Variants in TACC2 observed in about 807,000 individuals in gnomAD.
TACC2 encodes transforming acidic coiled-coil containing protein 2.
A neutral mutation model predicts 227.3 loss-of-function variants in TACC2; 137 were observed. That is an observed-to-expected ratio of 0.60 (90% confidence interval 0.52 to 0.69). TACC2 has a LOEUF of 0.69. Among genes scored for constraint, TACC2 ranks in the 30% least tolerant of loss-of-function variants. The probability of loss-of-function intolerance (pLI) is 0.00; values close to 1 mark genes in which losing one functional copy is unlikely to be tolerated. For missense variants in TACC2, 3,470 were observed against 3,694.4 expected (o/e 0.94, Z 1.57); for synonymous variants, 1,523 against 1,487.5 (o/e 1.02, Z -0.55).
chr10:122,037,798 G>A (rs992433494), intron 2 of TACC2, among the ~76,000 whole-genome samples: 4 of 152,244 alleles, frequency 2.6e-5, no homozygotes, highest in African/African-American at 9.6e-5. Context: ...TCAAGGGGCA[G>A]AGCCCCTTAG....
intron 1 of TACC2, among the ~76,000 whole-genome samples, chr10:121,998,554 C>T (rs552178603): frequency 2.7e-4 from 41 of 152,184 alleles, no homozygotes; most frequent in African/African-American, 9.6e-4. Flanking sequence ...ACCTTGCCAA[C>T]GTTTCGTAAG....
intron 8 of TACC2, among the ~76,000 whole-genome samples, chr10:122,207,313 A>T (rs1316038589): frequency 2.0e-5 from 3 of 151,396 alleles, no homozygotes; most frequent in Non-Finnish European, 4.4e-5. Flanking sequence ...AAAAAAATGC[A>T]GTAGGCGAGC....
chr10:122,006,878 TGAGATGGA>T (rs1955228849), intron 1 of TACC2, among the ~76,000 whole-genome samples: 1 of 89,274 alleles, frequency 1.1e-5, no homozygotes, highest in Admixed American at 1.2e-4. Context: ...TTTTTTTTTT[TGAGATGGA>T]ATTTTGCCCT....
intron 2 of TACC2, among the ~76,000 whole-genome samples, chr10:122,036,428 C>T (rs551332453): frequency 2.0e-5 from 3 of 151,288 alleles, no homozygotes; most frequent in South Asian, 2.1e-4. Context: ...CTCCTGACCT[C>T]GTGATCCGCC....
At position 122,087,731 on chromosome 10, in the gene TACC2, G is replaced by A. The variant is rs760302647; in HGVS notation, c.5231G>A (p.Gly1744Glu). ...SVVAGDLVLP[G>E]SCQDPACSDK... ...GTGGCAGGTGACTTGGTGCTGCCAGGAAGCTGTCAGGACCCAGCCTGCTCT... is the reference window on the plus strand; with the variant it reads ...GTGGCAGGTGACTTGGTGCTGCCAGAAAGCTGTCAGGACCCAGCCTGCTCT... The change falls in exon 4 of 23, where the codon GGA becomes GAA. Residue 1744 changes from glycine (G) to glutamate (E), a missense_variant. Transcript: ENST00000369005. 5.0e-6 allele frequency: 8 copies of A among 1,612,020 alleles called. No homozygotes were observed. In the South Asian group the frequency reaches 6.6e-5, roughly 13 times the overall value.
chr10:122,103,690 C>T (rs2082423672), intron 5 of TACC2, among the ~76,000 whole-genome samples: 2 of 152,174 alleles, frequency 1.3e-5, no homozygotes, highest in African/African-American at 4.8e-5. Context: ...GAGTGAATCC[C>T]TGAGATACTG....
chr10:122,217,058 T>G (rs1464388631), intron 11 of TACC2: 4 of 811,646 alleles, frequency 4.9e-6, no homozygotes, highest in Non-Finnish European at 7.4e-6. Context: ...GCCAGCACGG[T>G]GCCCTCTAAC....
At chr10:122,001,525 G>A (rs1160215487) in intron 1 of TACC2, among the ~76,000 whole-genome samples, 1 of 152,144 alleles carries the variant, frequency 6.6e-6, no homozygotes, top group Non-Finnish European at 1.5e-5. Context: ...TGAGATTTGG[G>A]TGGCAACAAA....
At chr10:122,223,985 C>T (rs931122338) in intron 11 of TACC2, among the ~76,000 whole-genome samples, 3 of 152,160 alleles carry the variant, frequency 2.0e-5, no homozygotes, top group East Asian at 1.9e-4. Flanking sequence ...GTGCTTCATC[C>T]GTTTGCTGGA....
chr10:122,031,627 T>A (rs745526756), intron 2 of TACC2, among the ~76,000 whole-genome samples: 1 of 151,954 alleles, frequency 6.6e-6, no homozygotes, highest in Non-Finnish European at 1.5e-5. Flanking sequence ...TTGGTCTCGA[T>A]CTCCTGACCT....
chr10:122,238,446 T>A (rs1048337154), intron 18 of TACC2, among the ~76,000 whole-genome samples: 12 of 152,194 alleles, frequency 7.9e-5, no homozygotes, highest in Non-Finnish European at 7.3e-5. Context: ...CTCTTTTTAA[T>A]TAATTAATTT....
intron 5 of TACC2, among the ~76,000 whole-genome samples, chr10:122,132,041 A>AAAGGAAGGAAGGAAGGAAGG (rs1565389662): frequency 1.4e-3 from 2 of 1,472 alleles, no homozygotes; most frequent in African/African-American, 1.7e-3. Context: ...AAAAAGAAAG[A>AAAGGAAGGAAGGAAGGAAGG]AAGAAAGAAA....
At chr10:121,998,205 G>A (rs781067514) in intron 1 of TACC2, among the ~76,000 whole-genome samples, 8 of 151,734 alleles carry the variant, frequency 5.3e-5, no homozygotes, top group Non-Finnish European at 1.2e-4. Context: ...CCAGCTACTC[G>A]GGAGGCTGAG....
chr10:122,211,783 G>A, intron 9 of TACC2, 75 bp downstream of exon 9: 1 of 1,360,408 alleles, frequency 7.4e-7, no homozygotes, highest in Non-Finnish European at 9.9e-7. Flanking sequence ...TCATGTGCCT[G>A]GATAACCTTC....
intron 17 of TACC2, 71 bp downstream of exon 17, chr10:122,237,609 C>A: frequency 6.5e-7 from 1 of 1,543,692 alleles, no homozygotes; most frequent in Admixed American, 1.9e-5. Context: ...GTCCACAAAG[C>A]CAGAGTCTTT....
In TACC2 at chr10:122,083,914, G is replaced by A. The variant is rs1481309988; in HGVS notation, c.1414G>A (p.Val472Met). 1 of 1,614,122 alleles carries A rather than the reference G, an allele frequency of 6.2e-7. No homozygotes were observed. Among genetic ancestry groups the A allele is most frequent in the South Asian group, 1.1e-5 (1 of 91,074 alleles). Residue 472 changes from valine to methionine, a missense_variant, in exon 4 of 23, where the codon GTG (valine) becomes ATG (methionine). Val to Met is a conservative substitution (Grantham distance 21). This residue lies in a region of TACC2 where 1,924 missense variants were observed against 1,978.3 expected (regional missense o/e 0.97). Coordinates refer to ENST00000369005, the MANE Select transcript of TACC2 (RefSeq NM_206862.4). ...AGGGTTGGTGGGACTGGAGAGGCAG[G>A]TGTCAGATCTTGGAAGCAAGGGAGA... Reference protein sequence around the residue: ...DAGLVGLERQVSDLGSKGEHP... With the variant: ...DAGLVGLERQMSDLGSKGEHP...
At chr10:122,126,179 C>T (rs1378685095) in intron 5 of TACC2, among the ~76,000 whole-genome samples, 1 of 152,198 alleles carries the variant, frequency 6.6e-6, no homozygotes, top group Non-Finnish European at 1.5e-5. Context: ...TGGCAGTTTT[C>T]TGTCCTACAT....
At chr10:122,204,516 A>C (rs116630939) in intron 8 of TACC2, among the ~76,000 whole-genome samples, 1 of 152,152 alleles carries the variant, frequency 6.6e-6, no homozygotes, top group East Asian at 1.9e-4. Context: ...ACACCAGAGA[A>C]GTGACAGTCA....
Position 122,230,398 on chromosome 10 carries a change from C to T in TACC2, c.8085C>T (p.Ala2695=). 6 of 1,614,198 alleles carry T rather than the reference C, an allele frequency of 3.7e-6. No individual in the cohort carries two copies. Among genetic ancestry groups the T allele is most frequent in the Non-Finnish European group, 5.1e-6 (6 of 1,180,038 alleles). The change falls in exon 16 of 23, where the codon GCC becomes GCT. Residue 2695 remains alanine, a synonymous_variant. Coordinates refer to ENST00000369005, the MANE Select transcript of TACC2 (RefSeq NM_206862.4). The part of the protein sequence containing the change: ...AIMRIEALKL[A]RQIALASRSH... ...TGCGGATAGAAGCCCTGAAGCTGGC[C>T]AGGCAGATTGCTTTGGCTTCCCGCA...
Sources: allele counts gnomAD v4.1 joint callset (sites outside exome capture counted in the v4.1 genomes callset), GRCh38; gene constraint gnomAD v4.1.1; regional missense constraint gnomAD v4.1.1; transcripts MANE v1.5; gene names NCBI Gene and HGNC (gene_info 2026-07-23, HGNC 2026-07-21).